The following NUDCD3 variants were observed in gnomAD, a reference collection of about 807,000 sequenced individuals.
The protein encoded by NUDCD3 is nudC domain-containing protein 3.
In NUDCD3, 13 loss-of-function variants were observed where a neutral mutation model predicts 39.7. The ratio of observed to expected loss-of-function variants is 0.33; its 90% CI spans 0.21 to 0.52. The LOEUF is 0.52. Among genes scored for constraint, NUDCD3 ranks in the 20% least tolerant of loss-of-function variants. The pLI is 0.96. For synonymous variants in NUDCD3, 175 were observed against 172.4 expected, an observed-to-expected ratio of 1.02 and a Z score of -0.12; for missense variants, 453 against 458.1, an observed-to-expected ratio of 0.99 and a Z score of 0.10.
At chr7:44,428,974 G>A (rs766710854) in intron 2 of NUDCD3, among the ~76,000 whole-genome samples, 5 of 152,204 alleles carry the variant, frequency 3.3e-5, no homozygotes, top group African/African-American at 4.8e-5. Context: ...CTATGATCTG[G>A]TTCACACAGG....
At chr7:44,407,641 T>TA (rs910541156) in intron 3 of NUDCD3, among the ~76,000 whole-genome samples, 9 of 148,378 alleles carry the variant, frequency 6.1e-5, no homozygotes, top group African/African-American at 1.2e-4. Flanking sequence ...GAAAACAAGT[T>TA]AAAAAAAAAT....
rs1798371828 is a variant in NUDCD3 at position 44,384,767 on chromosome 7, T to G, written c.*1244A>C. On this transcript the variant is annotated 3_prime_UTR_variant, in exon 6 of 6. Transcript: ENST00000355451. ...GCTTGACAGACAGGCAAATGGACAG[T>G]GCCGGTGGCAGCTGAACCATACTCC... 1 of 152,248 alleles carries G rather than the reference T, an allele frequency of 6.6e-6. No individual in the cohort carries two copies. The highest frequency in any genetic ancestry group is 2.1e-4 in the South Asian group (1 of 4,832). 9.4% of individuals were successfully genotyped at this position (152,248 alleles called of 1,614,324 possible). A position where few individuals can be genotyped will look rare whatever the true frequency, so the allele number is the denominator to read the frequency against.
intron 4 of NUDCD3, among the ~76,000 whole-genome samples, chr7:44,403,693 T>C (rs770418600): frequency 6.6e-6 from 1 of 152,238 alleles, no homozygotes; most frequent in Non-Finnish European, 1.5e-5. Context: ...GATACCTTTA[T>C]TGCATACTTT....
intron 1 of NUDCD3, among the ~76,000 whole-genome samples, chr7:44,486,312 A>C (rs1251623036): frequency 2.0e-5 from 3 of 152,248 alleles, no homozygotes; most frequent in Non-Finnish European, 4.4e-5. Context: ...GGGTGCTAAC[A>C]GACTAACTGT....
intron 2 of NUDCD3, among the ~76,000 whole-genome samples, chr7:44,456,247 T>C (rs1317231312): frequency 6.8e-6 from 1 of 146,436 alleles, no homozygotes; most frequent in Non-Finnish European, 1.5e-5. Context: ...ATTAGAAAAA[T>C]GAAACTAGTG....
At chr7:44,419,620 T>C (rs1799098856) in intron 3 of NUDCD3, among the ~76,000 whole-genome samples, 1 of 152,114 alleles carries the variant, frequency 6.6e-6, no homozygotes, top group Non-Finnish European at 1.5e-5. Flanking sequence ...ATTAGCCCAG[T>C]GCCCCTCTGG....
chr7:44,433,007 G>A (rs115010209), intron 2 of NUDCD3, among the ~76,000 whole-genome samples: 173 of 152,328 alleles, frequency 1.1e-3, no homozygotes, highest in African/African-American at 3.8e-3. Flanking sequence ...ATTAGGTCAT[G>A]AGGGTGGAGG....
Position 44,485,215 on chromosome 7 carries a change from T to C in NUDCD3, c.262A>G (p.Ile88Val). 6.2e-7 allele frequency: 1 copy of C among 1,614,198 alleles called. No individual in the cohort carries two copies. The highest frequency in any genetic ancestry group is 8.5e-7 in the Non-Finnish European group (1 of 1,180,024). Reference protein sequence around the residue: ...EKRRQELEEKIRRKEEEEAKT... With the variant: ...EKRRQELEEKVRRKEEEEAKT... ...GCCTCTTCCTCTTCCTTTCTTCTGA[T>C]TTTCTCTTCAAGTTCCTGCCTTCTC... The change falls in exon 2 of 6, where the codon ATC (isoleucine) becomes GTC (valine). Residue 88 changes from isoleucine (I) to valine (V), a missense_variant. Transcript: ENST00000355451.
At chr7:44,459,598 A>G (rs1281237237) in intron 2 of NUDCD3, among the ~76,000 whole-genome samples, 4 of 152,246 alleles carry the variant, frequency 2.6e-5, no homozygotes, top group South Asian at 2.1e-4. Flanking sequence ...AGAACTGGAT[A>G]ATTCTATTTT....
intron 2 of NUDCD3, among the ~76,000 whole-genome samples, chr7:44,475,897 T>C (rs937553339): frequency 4.6e-4 from 70 of 152,170 alleles, no homozygotes; most frequent in African/African-American, 1.6e-3. Flanking sequence ...TATTGTACAT[T>C]GAGTATAATC....
chr7:44,489,926 G>T (rs1800696634), intron 1 of NUDCD3: 1 of 152,828 alleles, frequency 6.5e-6, no homozygotes, highest in African/African-American at 2.4e-5. Context: ...AGCTCAAATA[G>T]AAATTTTAAT....
At chr7:44,429,523 C>G (rs1799311063) in intron 2 of NUDCD3, among the ~76,000 whole-genome samples, 1 of 152,206 alleles carries the variant, frequency 6.6e-6, no homozygotes, top group African/African-American at 2.4e-5. Flanking sequence ...ACACCTTGAT[C>G]TCAGACTTCC....
chr7:44,490,632 C>T lies in NUDCD3; in HGVS notation c.-32G>A, dbSNP rs758399545. On this transcript the variant is annotated 5_prime_UTR_variant, in exon 1 of 6. The change creates a new upstream start codon in the 5' untranslated region. Coordinates refer to ENST00000355451, the MANE Select transcript of NUDCD3 (RefSeq NM_015332.4). ...TCCCGCCCTAGGTACGCTTCACACA[C>T]ACAGCGCCGCCTCAGACCTGCCGAC... is the stretch of plus-strand genomic sequence containing the variant. 7.7e-6 allele frequency: 12 copies of T among 1,565,506 alleles called. No homozygotes were observed. Among genetic ancestry groups the T allele is most frequent in the Middle Eastern group, 1.7e-4 (1 of 5,970 alleles).
intron 2 of NUDCD3, among the ~76,000 whole-genome samples, chr7:44,429,951 G>A (rs1799321710): frequency 6.6e-6 from 1 of 152,148 alleles, no homozygotes; most frequent in South Asian, 2.1e-4. Context: ...CCATAAAACT[G>A]AAAAGTGGGT....
chr7:44,467,917 T>C, intron 2 of NUDCD3: 1 of 1,606,770 alleles, frequency 6.2e-7, no homozygotes, highest in Non-Finnish European at 8.5e-7. Context: ...TCAGACCCCT[T>C]GTGAAGCCCA....
In NUDCD3 at chr7:44,456,363, T is replaced by C. The variant is rs1041589241; in HGVS notation, c.509+28605A>G. Among the ~76,000 whole-genome samples the C allele has an allele frequency of 3.7e-4, 57 of 152,226 alleles. 1 individual carries two copies. Among genetic ancestry groups the C allele is most frequent in the Middle Eastern group, 6.8e-3 (2 of 294 alleles). ...TTCTTAAATTCTGATATGAAAGACA[T>C]GAATCTTCAGCTTTAAAGGCCGAGC... is the stretch of plus-strand genomic sequence containing the variant. On this transcript the variant is annotated intron_variant, in intron 2 of 5. Coordinates refer to ENST00000355451, the MANE Select transcript of NUDCD3 (RefSeq NM_015332.4).
In NUDCD3 at chr7:44,480,979, GA is replaced by G. The variant is rs781601614; in HGVS notation, c.509+3988del. Among the ~76,000 whole-genome samples, 742 of 88,686 alleles carry G rather than the reference GA, an allele frequency of 8.4e-3. 6 individuals are homozygous for G. The highest frequency in any genetic ancestry group is 0.02 in the African/African-American group (488 of 23,936). The allele number at this position is 88,686 out of a possible 152,430, so 58.2% of individuals were successfully genotyped here. On this transcript the variant is annotated intron_variant, in intron 2 of 5. Transcript: ENST00000355451. Reference sequence around the variant, plus strand: ...AAAAAAAAAAAAAATCCAAAAATTTGAAAAAAAAAAAAAATGGATTGTTTTG... The same window carrying G: ...AAAAAAAAAAAAAATCCAAAAATTTGAAAAAAAAAAAAATGGATTGTTTTG...
In NUDCD3 at chr7:44,379,812, G is replaced by A. The variant is rs534058948; in HGVS notation, c.*6199C>T. 6.6e-6 allele frequency: 1 copy of A among 152,182 alleles called. No homozygotes were observed. The highest frequency in any genetic ancestry group is 2.1e-4 in the South Asian group (1 of 4,826). The allele number at this position is 152,182 out of a possible 1,614,324, so 9.4% of individuals were successfully genotyped here. A position where few individuals can be genotyped will look rare whatever the true frequency, so the allele number is the denominator to read the frequency against. ...CTGTGGCCCCTTGAATGGTGGCAGG[G>A]AGACCACAGCACATCGCAGGGCCCT... On this transcript the variant is annotated 3_prime_UTR_variant, in exon 6 of 6. Coordinates refer to ENST00000355451, the MANE Select transcript of NUDCD3 (RefSeq NM_015332.4).
At chr7:44,450,443 G>A (rs540303960) in intron 2 of NUDCD3, among the ~76,000 whole-genome samples, 2 of 152,000 alleles carry the variant, frequency 1.3e-5, no homozygotes, top group Admixed American at 1.3e-4. Flanking sequence ...CTCCCAAAGT[G>A]CTGGGATGAC....
Sources: allele counts gnomAD v4.1 joint callset (sites outside exome capture counted in the v4.1 genomes callset), GRCh38; gene constraint gnomAD v4.1.1; transcripts MANE v1.5; gene names NCBI Gene and HGNC (gene_info 2026-07-23, HGNC 2026-07-21).